Variants in ART3 observed in about 807,000 individuals in gnomAD.
ART3 encodes the protein ADP-ribosyltransferase 3 (inactive), also known as ecto-ADP-ribosyltransferase 3.
A neutral mutation model predicts 48.5 loss-of-function variants in ART3; 49 were observed. The observed-to-expected ratio is 1.01, with a 90% CI of 0.80 to 1.28. The LOEUF is 1.28. Among genes scored for constraint, ART3 ranks in the 50% most tolerant of loss-of-function variants. The pLI is 0.00. For synonymous variants in ART3, 145 were observed against 157.2 expected (o/e 0.92, Z 0.58); for missense variants, 438 against 454.3 (o/e 0.96, Z 0.33).
At chr4:76,039,323 C>A (rs1015730706) in intron 1 of ART3, among the ~76,000 whole-genome samples, 1 of 152,116 alleles carries the variant, frequency 6.6e-6, no homozygotes, top group African/African-American at 2.4e-5. Flanking sequence ...TGGTCTCAGA[C>A]CCCTTTTTCA....
Position 76,055,518 on chromosome 4 carries a change from C to A in ART3, c.-9-20363C>A, listed in dbSNP as rs1385560187. Among the ~76,000 whole-genome samples the A allele has an allele frequency of 6.6e-5, 10 of 152,286 alleles. No homozygotes were observed. In the East Asian group the frequency reaches 1.9e-3, roughly 29 times the overall value. ...AAGAAGCGGGGTCAGAGGACAGCAG[C>A]AATGAAAAACACAAGAATTCCTTTC... On this transcript the variant is annotated intron_variant, in intron 1 of 9. Transcript: ENST00000341029.
intron 3 of ART3, among the ~76,000 whole-genome samples, chr4:76,083,859 G>A (rs1722993225): frequency 6.6e-6 from 1 of 152,074 alleles, no homozygotes; most frequent in Non-Finnish European, 1.5e-5. Flanking sequence ...GGAGACAAAG[G>A]AAAAGGGAAT....
At chr4:76,051,787 C>G (rs1384861659) in intron 1 of ART3, among the ~76,000 whole-genome samples, 1 of 151,990 alleles carries the variant, frequency 6.6e-6, no homozygotes, top group Non-Finnish European at 1.5e-5. Context: ...AGTGGTCTTC[C>G]CACCTCAACC....
chr4:76,110,749 A>AT (rs968768616), intron 11 of ART3, among the ~76,000 whole-genome samples: 13 of 152,024 alleles, frequency 8.6e-5, no homozygotes, highest in South Asian at 4.1e-4. Flanking sequence ...TTATACATGG[A>AT]TTTTTTTTAA....
chr4:76,047,906 C>T (rs1326191100), intron 1 of ART3, among the ~76,000 whole-genome samples: 2 of 151,970 alleles, frequency 1.3e-5, no homozygotes, highest in Non-Finnish European at 2.9e-5. Flanking sequence ...GTGTACCTCT[C>T]AGGATCATCT....
intron 1 of ART3, among the ~76,000 whole-genome samples, chr4:76,030,456 GC>G (rs1733777626): frequency 6.6e-6 from 1 of 152,178 alleles, no homozygotes; most frequent in African/African-American, 2.4e-5. Flanking sequence ...CCTTAGTGTA[GC>G]CCTTCTTCTT....
rs1393573463 is a variant in ART3, at chr4:76,082,391, A to C, written c.637A>C (p.Asn213His). Residue 213 changes from asparagine (N) to histidine (H), a missense_variant, in exon 3 of 12, where the codon AAT (asparagine) becomes CAT (histidine). Physicochemically the swap from Asn to His is moderately conservative, Grantham distance 68 (BLOSUM62 1). This residue lies in a region of ART3 where 227 missense variants were observed against 229.6 expected (regional missense o/e 0.99). Transcript: ENST00000355810. ...CACATGCCTTGGAGTTGACATTGAAAATTTTCTTGATAAAGAAAGTGAAAG... is the reference window on the plus strand; with the variant it reads ...CACATGCCTTGGAGTTGACATTGAACATTTTCTTGATAAAGAAAGTGAAAG... ...IYTCLGVDIENFLDKESERIT... is the reference protein window; with the variant it reads ...IYTCLGVDIEHFLDKESERIT... The C allele has an allele frequency of 6.2e-7, 1 of 1,614,148 alleles. No individual in the cohort carries two copies. Among genetic ancestry groups the C allele is most frequent in the East Asian group, 2.2e-5 (1 of 44,890 alleles).
chr4:76,084,654 C>T (rs967939030), intron 3 of ART3, among the ~76,000 whole-genome samples: 2 of 152,164 alleles, frequency 1.3e-5, no homozygotes, highest in African/African-American at 4.8e-5. Context: ...AACTCCTTCT[C>T]CTGTCTTCTG....
chr4:76,064,179 G>A (rs958373800), intron 1 of ART3, among the ~76,000 whole-genome samples: 9 of 152,092 alleles, frequency 5.9e-5, no homozygotes, highest in Admixed American at 6.6e-5. Flanking sequence ...AGAACAAAAT[G>A]GATTCCAAGC....
At chr4:76,112,168 C>T (rs2109834523) in intron 11 of ART3, among the ~76,000 whole-genome samples, 1 of 152,196 alleles carries the variant, frequency 6.6e-6, no homozygotes, top group South Asian at 2.1e-4. Flanking sequence ...GGGTTGGCAC[C>T]CCAACACCCG....
rs373266766 is a variant in ART3 at position 76,035,418 on chromosome 4, C to A, written c.-10+24098C>A. The A allele has an allele frequency of 1.8e-4, 260 of 1,470,828 alleles. 3 individuals carry two copies. The African/African-American group carries it at 3.3e-3, about 19-fold the overall frequency. 91.1% of individuals were successfully genotyped at this position (1,470,828 alleles called of 1,614,324 possible). A position where few individuals can be genotyped will look rare whatever the true frequency, so the allele number is the denominator to read the frequency against. ...GCTGTGGTTTATAGCTGGTGGTGAA[C>A]GTGAGCAGAATTTTCATTAAGGGTA... On this transcript the variant is annotated intron_variant, in intron 1 of 9. Coordinates refer to the ART3 transcript ENST00000341029.
At chr4:76,054,137 A>G (rs1037840566) in intron 1 of ART3, among the ~76,000 whole-genome samples, 1 of 152,232 alleles carries the variant, frequency 6.6e-6, no homozygotes, top group Non-Finnish European at 1.5e-5. Flanking sequence ...TCTGCTACTC[A>G]GAGAAGCTGG....
At position 76,100,996 on chromosome 4, in the gene ART3, A is replaced by G. The variant is rs1309756022; in HGVS notation, c.914A>G (p.Lys305Arg). ...KNWKLEDHGE[K>R]NQKLEDHGVK... ...GCTTCTTTTTGTAACTCAGGTGAGA[A>G]AAACCAGAAGCTTGAAGACCATGGT... is the stretch of plus-strand genomic sequence containing the variant. Residue 305 changes from lysine to arginine, a missense_variant, in exon 8 of 12, where the codon AAA (lysine) becomes AGA (arginine). By Grantham distance (26) the Lys-to-Arg change is conservative. Coordinates refer to ENST00000355810, the MANE Select transcript of ART3 (RefSeq NM_001130016.3). 16 of 1,613,646 alleles carry G rather than the reference A, an allele frequency of 9.9e-6. No homozygotes were observed. Among genetic ancestry groups the G allele is most frequent in the Non-Finnish European group, 2.5e-6 (3 of 1,179,928 alleles).
chr4:76,101,997 A>G (rs980005721), intron 8 of ART3, among the ~76,000 whole-genome samples: 16 of 152,350 alleles, frequency 1.1e-4, no homozygotes, highest in African/African-American at 3.6e-4. Flanking sequence ...GGTAGTGTCA[A>G]AAGACAAAAT....
chr4:76,076,645 T>C (rs77137636), intron 2 of ART3, among the ~76,000 whole-genome samples: 17,549 of 152,194 alleles, frequency 0.12, 1,336 homozygotes, highest in East Asian at 0.35. Context: ...ATGCTGCATG[T>C]CACGCATGTC....
chr4:76,109,396 T>C (rs571228788), intron 11 of ART3, among the ~76,000 whole-genome samples: 12 of 152,284 alleles, frequency 7.9e-5, no homozygotes, highest in Admixed American at 4.6e-4. Flanking sequence ...GTAACGTGCA[T>C]GGAACTGTCA....
At chr4:76,075,820 T>C in intron 1 of ART3, 61 bp from the exon 2 acceptor site, 2 of 1,304,230 alleles carry the variant, frequency 1.5e-6, no homozygotes, top group Non-Finnish European at 2.2e-6. Flanking sequence ...GTCATCCTAT[T>C]CTACTTCCCT....
rs146169909 is a variant in ART3 at position 76,044,943 on chromosome 4, A to T, written c.-9-30938A>T. On this transcript the variant is annotated intron_variant, in intron 1 of 9. Transcript: ENST00000341029. ...GGGTTCCCAGAGGTTAGGAACTCCC[A>T]TTCTTTCCATATTGCAGCATGGGCA... Among the ~76,000 whole-genome samples the T allele has an allele frequency of 2.2e-3, 332 of 152,192 alleles. 13 individuals are homozygous for T. The East Asian group carries it at 0.056, about 26-fold the overall frequency.
chr4:76,100,375 G>C (rs865988325), intron 6 of ART3, 55 bp downstream of exon 6: 1 of 1,562,552 alleles, frequency 6.4e-7, no homozygotes. Context: ...GCTTATGCCT[G>C]TAATCCCAGC....
Sources: gnomAD v4.1 joint callset for allele counts (sites outside exome capture counted in the v4.1 genomes callset) on GRCh38, gnomAD v4.1.1 for gene constraint, gnomAD v4.1.1 regional missense constraint, MANE v1.5 for transcripts, NCBI Gene and HGNC (gene_info 2026-07-23, HGNC 2026-07-21) for gene names.